The following RAI14 variants were observed in gnomAD, a reference collection of about 807,000 sequenced individuals.
The protein encoded by RAI14 is retinoic acid induced 14.
RAI14 carries 45 observed loss-of-function variants against 115.4 expected under a neutral mutation model. The observed-to-expected ratio is 0.39, with a 90% CI of 0.31 to 0.50. The LOEUF (loss-of-function observed/expected upper bound fraction) is 0.50. Among genes scored for constraint, RAI14 ranks in the 20% least tolerant of loss-of-function variants. The pLI, the probability that RAI14 is intolerant of heterozygous loss-of-function variation, is 0.85. For synonymous variants in RAI14, 371 were observed against 415.4 expected (o/e 0.89, Z 1.30); for missense variants, 939 against 1,131.2 (o/e 0.83, Z 2.44).
intron 3 of RAI14, among the ~76,000 whole-genome samples, chr5:34,792,248 TTTTGAGACGGAG>T (rs1303518053): frequency 6.7e-6 from 1 of 149,588 alleles, no homozygotes. Flanking sequence ...TTTTTTTTTT[TTTTGAGACGGAG>T]TCTCTCTCTG....
intron 2 of RAI14, among the ~76,000 whole-genome samples, chr5:34,738,454 A>T (rs1202658937): frequency 1.3e-5 from 2 of 152,154 alleles, no homozygotes; most frequent in African/African-American, 2.4e-5. Context: ...TGTGGAATTC[A>T]TGGGAGCAGT....
Position 34,812,199 on chromosome 5 carries a change from A to T in RAI14, c.756A>T (p.Lys252Asn), listed in dbSNP as rs1755684367. Residue 252 changes from lysine (K) to asparagine (N), a missense_variant, in exon 10 of 18, where the codon AAA becomes AAT. Transcript: ENST00000265109. ...SQDADLKTPT[K>N]PKQHDQVSKI... The stretch of plus-strand genomic sequence containing the variant: ...CTATAGATTTAAAGACCCCAACAAA[A>T]CCAAAGCAGGTATTTATCTTTGGGG... 1.9e-6 allele frequency: 3 copies of T among 1,582,114 alleles called. No homozygotes were observed. In the East Asian group the frequency reaches 6.7e-5, roughly 35 times the overall value.
At chr5:34,801,089 G>T (rs982043034) in intron 4 of RAI14, among the ~76,000 whole-genome samples, 1 of 152,144 alleles carries the variant, frequency 6.6e-6, no homozygotes, top group Non-Finnish European at 1.5e-5. Flanking sequence ...CTGGAAGGAG[G>T]GATCTCATAT....
rs1241353595 is a variant in RAI14, at chr5:34,778,476, C to T, written c.168-17463C>T. Among the ~76,000 whole-genome samples the T allele has an allele frequency of 6.6e-5, 10 of 152,232 alleles. 1 individual carries two copies. Among genetic ancestry groups the T allele is most frequent in the Admixed American group, 5.2e-4 (8 of 15,300 alleles). On this transcript the variant is annotated intron_variant, in intron 3 of 17. Coordinates refer to ENST00000265109, the MANE Select transcript of RAI14 (RefSeq NM_015577.3). ...TTGGGAGGCTGAGATGGGAGGATTG[C>T]TAGAGTCCAGGAGTTGGAGAATCTG...
chr5:34,756,126 C>T (rs1747846678), intron 2 of RAI14, among the ~76,000 whole-genome samples: 1 of 152,164 alleles, frequency 6.6e-6, no homozygotes, highest in African/African-American at 2.4e-5. Flanking sequence ...TTTATCCCTC[C>T]CTGGCTTAAG....
rs142382524 is a variant in RAI14 at position 34,821,223 on chromosome 5, C to T, written c.995-509C>T. Among the ~76,000 whole-genome samples the T allele has an allele frequency of 2.6e-5, 4 of 152,276 alleles. No homozygotes were observed. The East Asian group carries it at 7.7e-4, about 29-fold the overall frequency. On this transcript the variant is annotated intron_variant, in intron 13 of 17. Transcript: ENST00000265109. Reference sequence around the variant, plus strand: ...CCAATCAAAGTATGTTTTAGGAAGACTGGTCTGACGTTGCTGTGCAGGCTA... The same window carrying T: ...CCAATCAAAGTATGTTTTAGGAAGATTGGTCTGACGTTGCTGTGCAGGCTA...
chr5:34,697,837 C>T (rs552235582), intron 2 of RAI14, among the ~76,000 whole-genome samples: 1 of 152,284 alleles, frequency 6.6e-6, no homozygotes, highest in South Asian at 2.1e-4. Context: ...TGACATCTGA[C>T]TCTCAAATTT....
At chr5:34,747,326 AC>A (rs1746408561) in intron 2 of RAI14, among the ~76,000 whole-genome samples, 1 of 152,240 alleles carries the variant, frequency 6.6e-6, no homozygotes, top group Non-Finnish European at 1.5e-5. Flanking sequence ...CTCGCACTGT[AC>A]ATTTTAATTT....
At chr5:34,779,236 G>A (rs959593974) in intron 3 of RAI14, among the ~76,000 whole-genome samples, 4 of 152,058 alleles carry the variant, frequency 2.6e-5, no homozygotes, top group African/African-American at 9.7e-5. Context: ...AATAATAAGA[G>A]CTATTTATGA....
intron 2 of RAI14, among the ~76,000 whole-genome samples, chr5:34,734,986 T>C (rs1744683469): frequency 6.6e-6 from 1 of 152,160 alleles, no homozygotes; most frequent in Admixed American, 6.5e-5. Flanking sequence ...AGTCACACTA[T>C]ACTACACAGA....
At chr5:34,825,029 C>T (rs1467539248) in intron 15 of RAI14, among the ~76,000 whole-genome samples, 24 of 151,554 alleles carry the variant, frequency 1.6e-4, no homozygotes, top group Admixed American at 1.6e-3. Flanking sequence ...TGGCTCACTC[C>T]TCTAATTCCA....
intron 2 of RAI14, among the ~76,000 whole-genome samples, chr5:34,734,034 T>C (rs1244386679): frequency 6.6e-6 from 1 of 152,240 alleles, no homozygotes; most frequent in Non-Finnish European, 1.5e-5. Context: ...GCTGCTTCTC[T>C]GGAGCTACCA....
chr5:34,767,049 C>T lies in RAI14; in HGVS notation c.167+9451C>T, dbSNP rs956291233. Among the ~76,000 whole-genome samples, 7 of 152,170 alleles carry T rather than the reference C, an allele frequency of 4.6e-5. No homozygotes were observed. In the South Asian group the frequency reaches 1.4e-3, roughly 32 times the overall value. On this transcript the variant is annotated intron_variant, in intron 3 of 17. Coordinates refer to ENST00000265109, the MANE Select transcript of RAI14 (RefSeq NM_015577.3). Reference sequence around the variant, plus strand: ...TCCTGCCATGATTCTGAGGCCTCCCCAGCCATGTGGAACTGTAAGTCCAAT... The same window carrying T: ...TCCTGCCATGATTCTGAGGCCTCCCTAGCCATGTGGAACTGTAAGTCCAAT...
At chr5:34,778,157 A>G (rs1419700126) in intron 3 of RAI14, among the ~76,000 whole-genome samples, 2 of 152,112 alleles carry the variant, frequency 1.3e-5, no homozygotes, top group Non-Finnish European at 2.9e-5. Flanking sequence ...TTTTAAACAT[A>G]TTTTTAAAAG....
Position 34,823,415 on chromosome 5 carries a change from C to T in RAI14, c.1573C>T (p.Leu525=), listed in dbSNP as rs1346912064. 1 of 1,613,924 alleles carries T rather than the reference C, an allele frequency of 6.2e-7. No individual in the cohort carries two copies. The highest frequency in any genetic ancestry group is 8.5e-7 in the Non-Finnish European group (1 of 1,180,008). ...GGATAATTATTCACATTTCCACGAG[C>T]TGAGGGTCACGGAAGAGGAAATAAA... ...SMDNYSHFHE[L]RVTEEEINVL... Residue 525 remains leucine, a synonymous_variant, in exon 15 of 18, where the codon CTG becomes TTG. Transcript: ENST00000265109. The surrounding 1 kb of genome is among the most constrained non-coding windows in gnomAD (Gnocchi z 4.5).
chr5:34,807,117 A>T (rs1580326393), intron 5 of RAI14, among the ~76,000 whole-genome samples: 1 of 152,170 alleles, frequency 6.6e-6, no homozygotes. Flanking sequence ...ACTAGCGTTC[A>T]TTCTTCTAGA....
chr5:34,686,883 TCTC>T lies in RAI14; in HGVS notation c.-33_-31del. 6.2e-7 allele frequency: 1 copy of T among 1,609,602 alleles called. No individual in the cohort carries two copies. The highest frequency in any genetic ancestry group is 8.5e-7 in the Non-Finnish European group (1 of 1,177,198). ...TTTTCTCTGCTTAGGTGTTGAAAAG[TCTC>T]CTCTAGAGCTTTGGAAGGCTGAATG... On this transcript the variant is annotated 5_prime_UTR_variant, in exon 2 of 18. Coordinates refer to ENST00000265109, the MANE Select transcript of RAI14 (RefSeq NM_015577.3).
At chr5:34,745,343 C>T (rs534023604) in intron 2 of RAI14, among the ~76,000 whole-genome samples, 2 of 152,280 alleles carry the variant, frequency 1.3e-5, no homozygotes, top group African/African-American at 4.8e-5. Context: ...GCTGCTCTTG[C>T]TTATACTGGG....
intron 2 of RAI14, among the ~76,000 whole-genome samples, chr5:34,692,632 T>C (rs939920820): frequency 6.6e-6 from 1 of 151,420 alleles, no homozygotes; most frequent in African/African-American, 2.4e-5. Flanking sequence ...TTAATAGACA[T>C]AATTTTAAAA....
Sources: allele counts gnomAD v4.1 joint callset (sites outside exome capture counted in the v4.1 genomes callset), GRCh38; gene constraint gnomAD v4.1.1; non-coding constraint Gnocchi (gnomAD v3.1); transcripts MANE v1.5; gene names NCBI Gene and HGNC (gene_info 2026-07-23, HGNC 2026-07-21).